ZDHHC14: variants seen among roughly 807,000 people sequenced by gnomAD.
ZDHHC14 encodes zDHHC palmitoyltransferase 14.
Under a neutral mutation model 47.7 loss-of-function variants are expected in ZDHHC14, and 16 were observed. The ratio of observed to expected loss-of-function variants is 0.34; its 90% confidence interval spans 0.23 to 0.51. The LOEUF (loss-of-function observed/expected upper bound fraction) is 0.51, where lower values mean the gene tolerates loss of function less well. Ranked by LOEUF, ZDHHC14 falls within the 20% of genes least tolerant of loss-of-function variation. The pLI is 0.97. For missense variants in ZDHHC14, 515 were observed against 662.5 expected, an observed-to-expected ratio of 0.78 and a Z score of 2.44; for synonymous variants, 293 against 278.9, an observed-to-expected ratio of 1.05 and a Z score of -0.50.
rs1778236599 is a variant in ZDHHC14, at chr6:157,427,006, A to G, written c.245+44740A>G. Among the ~76,000 whole-genome samples, 1 of 152,122 alleles carries G rather than the reference A, an allele frequency of 6.6e-6. No homozygotes were observed. The highest frequency in any genetic ancestry group is 2.4e-5 in the African/African-American group (1 of 41,418). ...AAGGAGAACTTAAGATAGTGTCTGG[A>G]GGAGAAGGTAGGTGAGGAATCGGTC... On this transcript the variant is annotated intron_variant, in intron 1 of 8. Transcript: ENST00000359775. This position sits in a 1 kb window ranked among gnomAD's most constrained non-coding sequence, Gnocchi z 4.4.
In ZDHHC14 at chr6:157,398,124, A is replaced by G. The variant is rs546545672; in HGVS notation, c.245+15858A>G. Among the ~76,000 whole-genome samples, 7 of 146,538 alleles carry G rather than the reference A, an allele frequency of 4.8e-5. No individual in the cohort carries two copies. In the South Asian group the frequency reaches 1.4e-3, roughly 28 times the overall value. On this transcript the variant is annotated intron_variant, in intron 1 of 8. Coordinates refer to ENST00000359775, the MANE Select transcript of ZDHHC14 (RefSeq NM_024630.3). ...CCCAGATGGCCCCAGGTAGGCAGAGATTGGGGCAGAGGAGACAGAGTGGAC... is the reference window on the plus strand; with the variant it reads ...CCCAGATGGCCCCAGGTAGGCAGAGGTTGGGGCAGAGGAGACAGAGTGGAC...
At chr6:157,600,737 G>C (rs1784306721) in intron 3 of ZDHHC14, among the ~76,000 whole-genome samples, 1 of 152,220 alleles carries the variant, frequency 6.6e-6, no homozygotes, top group African/African-American at 2.4e-5. Context: ...AGAACTCAGT[G>C]TATCCAGATT....
intron 1 of ZDHHC14, among the ~76,000 whole-genome samples, chr6:157,419,673 T>C (rs1778057230): frequency 6.6e-6 from 1 of 152,242 alleles, no homozygotes; most frequent in Non-Finnish European, 1.5e-5. Flanking sequence ...AATATTCCAT[T>C]GTATGGATAT....
At chr6:157,538,277 A>C (rs1427285067) in intron 1 of ZDHHC14, among the ~76,000 whole-genome samples, 1 of 152,158 alleles carries the variant, frequency 6.6e-6, no homozygotes, top group Non-Finnish European at 1.5e-5. Context: ...CATGAGGCAC[A>C]CTCGGCTCAG....
chr6:157,644,762 G>A (rs571659342), intron 5 of ZDHHC14, among the ~76,000 whole-genome samples: 1 of 152,334 alleles, frequency 6.6e-6, no homozygotes, highest in East Asian at 1.9e-4. Flanking sequence ...ATCCTGTAAT[G>A]TATCGATAGC....
At chr6:157,640,508 A>C (rs867782812) in intron 5 of ZDHHC14, among the ~76,000 whole-genome samples, 2 of 152,172 alleles carry the variant, frequency 1.3e-5, no homozygotes, top group Non-Finnish European at 2.9e-5. Context: ...GTCCATCCTG[A>C]TACCTGCTGA....
At chr6:157,628,218 G>A in intron 3 of ZDHHC14, 131 bp from the exon 4 acceptor site, 1 of 942,230 alleles carries the variant, frequency 1.1e-6, no homozygotes, top group Non-Finnish European at 1.5e-6. Flanking sequence ...TGGTTAATTT[G>A]GAAATATGCA....
At chr6:157,627,196 A>G (rs549471276) in intron 3 of ZDHHC14, among the ~76,000 whole-genome samples, 54 of 152,334 alleles carry the variant, frequency 3.5e-4, no homozygotes, top group African/African-American at 1.2e-3. Flanking sequence ...TTTATGATAC[A>G]TGACCAGAAA....
intron 1 of ZDHHC14, among the ~76,000 whole-genome samples, chr6:157,519,059 G>A (rs1043477755): frequency 2.6e-4 from 39 of 152,226 alleles, no homozygotes; most frequent in Non-Finnish European, 5.3e-4. Flanking sequence ...TATGAGGGCT[G>A]GCTCATGGCT....
At chr6:157,485,368 G>A (rs1382345645) in intron 1 of ZDHHC14, among the ~76,000 whole-genome samples, 3 of 152,204 alleles carry the variant, frequency 2.0e-5, no homozygotes, top group African/African-American at 4.8e-5. Flanking sequence ...CCACGAGGAA[G>A]TATAGGAGCA....
rs564534485 is a variant in ZDHHC14 at position 157,463,243 on chromosome 6, G to A, written c.246-79342G>A. On this transcript the variant is annotated intron_variant, in intron 1 of 8. Coordinates refer to ENST00000359775, the MANE Select transcript of ZDHHC14 (RefSeq NM_024630.3). This position sits in a 1 kb window ranked among gnomAD's most constrained non-coding sequence, Gnocchi z 4.4. ...AGCCTGTTGTTTCTGTTGTCTCTTC[G>A]GTGTTTGGAACATGGCATAGAACAA... 4.0e-4 allele frequency among the ~76,000 whole-genome samples: 61 copies of A among 152,220 alleles called. No homozygotes were observed. Among genetic ancestry groups the A allele is most frequent in the Non-Finnish European group, 7.1e-4 (48 of 68,010 alleles).
rs1408046369 is a variant in ZDHHC14 at position 157,672,825 on chromosome 6, C to T, written c.1170C>T (p.His390=). 2.0e-5 allele frequency: 33 copies of T among 1,612,092 alleles called. No homozygotes were observed. Among genetic ancestry groups the T allele is most frequent in the Non-Finnish European group, 2.6e-5 (31 of 1,179,608 alleles). ...CCAGCCTCACCAGCGACGAGCTGCA[C>T]CTGCCCGGGAAGCCTGGCCTGGGCA... is the stretch of plus-strand genomic sequence containing the variant. ...SEPSLTSDEL[H]LPGKPGLGTP... Residue 390 remains histidine (H), a synonymous_variant, in exon 9 of 9, where the codon CAC becomes CAT. Transcript: ENST00000359775.
chr6:157,527,321 AT>A (rs1312358649), intron 1 of ZDHHC14, among the ~76,000 whole-genome samples: 23 of 152,194 alleles, frequency 1.5e-4, no homozygotes, highest in African/African-American at 5.5e-4. Context: ...GAGAGGCTGC[AT>A]TCTCAGCTCA....
At chr6:157,536,608 C>G (rs1186281915) in intron 1 of ZDHHC14, among the ~76,000 whole-genome samples, 1 of 152,114 alleles carries the variant, frequency 6.6e-6, no homozygotes, top group Non-Finnish European at 1.5e-5. Flanking sequence ...TGTTTCTTAT[C>G]CAAATGTTTA....
At chr6:157,414,106 A>G (rs1424004760) in intron 1 of ZDHHC14, among the ~76,000 whole-genome samples, 1 of 152,026 alleles carries the variant, frequency 6.6e-6, no homozygotes, top group Non-Finnish European at 1.5e-5. Flanking sequence ...AAATTTTTGT[A>G]TTTTTAGTAG....
At chr6:157,590,941 G>A (rs1412463798) in intron 2 of ZDHHC14, among the ~76,000 whole-genome samples, 1 of 152,254 alleles carries the variant, frequency 6.6e-6, no homozygotes, top group Non-Finnish European at 1.5e-5. Context: ...GTGAGACATG[G>A]AGTCAAAGGA....
intron 8 of ZDHHC14, among the ~76,000 whole-genome samples, chr6:157,656,996 G>C (rs1419710191): frequency 6.6e-6 from 1 of 152,076 alleles, no homozygotes. Context: ...CTGAGTGTAG[G>C]TGGCTTCACA....
intron 1 of ZDHHC14, among the ~76,000 whole-genome samples, chr6:157,510,728 G>T (rs1780444873): frequency 6.6e-6 from 1 of 152,232 alleles, no homozygotes; most frequent in East Asian, 1.9e-4. Context: ...GGATGAGCGA[G>T]GTGGGAGGGG....
At chr6:157,475,538 T>A (rs1779460398) in intron 1 of ZDHHC14, among the ~76,000 whole-genome samples, 1 of 152,184 alleles carries the variant, frequency 6.6e-6, no homozygotes, top group African/African-American at 2.4e-5. Flanking sequence ...ATTTCTTTCA[T>A]CAGTGTTTTA....
Sources: allele counts gnomAD v4.1 joint callset (sites outside exome capture counted in the v4.1 genomes callset), GRCh38; gene constraint gnomAD v4.1.1; non-coding constraint Gnocchi (gnomAD v3.1); transcripts MANE v1.5; gene names NCBI Gene and HGNC (gene_info 2026-07-23, HGNC 2026-07-21).